Variants in SYNE3 observed in about 807,000 individuals in gnomAD.
SYNE3 encodes the protein spectrin repeat containing nuclear envelope family member 3.
In SYNE3, 100 loss-of-function variants were observed where a neutral mutation model predicts 111.2. The observed-to-expected ratio is 0.90, with a 90% CI of 0.77 to 1.06. SYNE3 has a LOEUF of 1.06. SYNE3 is among the 50% of genes least tolerant of loss of function. SYNE3 has a pLI of 0.00. For synonymous variants in SYNE3, 547 were observed against 533.9 expected, an observed-to-expected ratio of 1.02 and a Z score of -0.34; for missense variants, 1,160 against 1,240.3, an observed-to-expected ratio of 0.94 and a Z score of 0.97.
At chr14:95,509,498 T>C (rs916604415) in intron 1 of SYNE3, among the ~76,000 whole-genome samples, 3 of 152,220 alleles carry the variant, frequency 2.0e-5, no homozygotes, top group Admixed American at 6.5e-5. Context: ...TTTGAGGCTG[T>C]GGTCCTTGAA....
intron 14 of SYNE3, among the ~76,000 whole-genome samples, chr14:95,437,318 CA>C (rs1886146030): frequency 6.6e-6 from 1 of 152,352 alleles, no homozygotes; most frequent in Non-Finnish European, 1.5e-5. Context: ...CAAGCCCATT[CA>C]GCTAACTTCT....
At chr14:95,491,912 C>T (rs1889870372) in intron 1 of SYNE3, among the ~76,000 whole-genome samples, 1 of 151,980 alleles carries the variant, frequency 6.6e-6, no homozygotes, top group African/African-American at 2.4e-5. Flanking sequence ...CAATAATAAA[C>T]AGACAACCCA....
chr14:95,474,169 G>A (rs1442088628), intron 2 of SYNE3, among the ~76,000 whole-genome samples: 2 of 152,246 alleles, frequency 1.3e-5, no homozygotes, highest in Non-Finnish European at 2.9e-5. Flanking sequence ...GTGATCTTGG[G>A]AGGTGTGACA....
chr14:95,436,785 C>A, intron 15 of SYNE3, 35 bp downstream of exon 15: 1 of 1,610,318 alleles, frequency 6.2e-7, no homozygotes, highest in Non-Finnish European at 8.5e-7. Context: ...TGGGTGCAAA[C>A]CTTATGGATG....
At chr14:95,479,661 G>T (rs555785621) in intron 1 of SYNE3, among the ~76,000 whole-genome samples, 4 of 152,256 alleles carry the variant, frequency 2.6e-5, no homozygotes, top group Admixed American at 2.6e-4. Flanking sequence ...CAGTGCAGTG[G>T]GGGTGGAGGG....
intron 15 of SYNE3, among the ~76,000 whole-genome samples, 153 bp from the exon 16 acceptor site, chr14:95,433,562 A>G (rs539942682): frequency 1.3e-5 from 2 of 152,320 alleles, no homozygotes; most frequent in East Asian, 3.9e-4. Context: ...CATCTGTGCA[A>G]TTCAAGCCAA....
chr14:95,489,843 C>T (rs1889758108), intron 1 of SYNE3, among the ~76,000 whole-genome samples: 1 of 152,166 alleles, frequency 6.6e-6, no homozygotes, highest in African/African-American at 2.4e-5. Flanking sequence ...CTCAGGGGAA[C>T]TGAGAAAGGC....
rs1324436963 is a variant in SYNE3 at position 95,475,717 on chromosome 14, T to A, written c.105A>T (p.Gly35=). 1.2e-6 allele frequency: 2 copies of A among 1,602,468 alleles called. No homozygotes were observed. Among genetic ancestry groups the A allele is most frequent in the South Asian group, 1.1e-5 (1 of 89,280 alleles). ...DQLQVNDNTQ[G]PRAALEARLW... is the part of the protein sequence containing the mutation. ...GCCTGGCCTCCAGGGCCGCGCGGGG[T>A]CCCTGCGTGTTGTCATTGACCTGCA... The change falls in exon 2 of 18, where the codon GGA becomes GGT. Residue 35 remains glycine, a synonymous_variant. Coordinates refer to ENST00000682763, the MANE Select transcript of SYNE3 (RefSeq NM_152592.6).
chr14:95,475,669 T>C lies in SYNE3; in HGVS notation c.144+9A>G. On this transcript the variant is annotated intron_variant, in intron 2 of 17. Coordinates refer to ENST00000682763, the MANE Select transcript of SYNE3 (RefSeq NM_152592.6). ...CCACAGGGCCATCTGAGGCCACGCC[T>C]CTGCATACCTCGGTCTCCCACAGCC... 6.5e-7 allele frequency: 1 copy of C among 1,534,586 alleles called. No homozygotes were observed. Among genetic ancestry groups the C allele is most frequent in the Non-Finnish European group, 8.7e-7 (1 of 1,145,220 alleles).
intron 6 of SYNE3, 83 bp downstream of exon 6, chr14:95,455,294 C>G: frequency 1.7e-6 from 2 of 1,149,690 alleles, no homozygotes; most frequent in Non-Finnish European, 2.4e-6. Flanking sequence ...CAGCCCGATT[C>G]TCCATCACAG....
chr14:95,428,199 C>T (rs1036464308), intron 17 of SYNE3, among the ~76,000 whole-genome samples: 5 of 152,132 alleles, frequency 3.3e-5, no homozygotes, highest in Non-Finnish European at 5.9e-5. Flanking sequence ...GAAATCAAAA[C>T]TCTTCCTCAA....
chr14:95,443,037 A>C, intron 11 of SYNE3, 118 bp downstream of exon 11: 1 of 1,302,782 alleles, frequency 7.7e-7, no homozygotes, highest in Non-Finnish European at 1.1e-6. Flanking sequence ...AACAGGGAGA[A>C]AGAAAAAAGA....
chr14:95,462,933 A>T (rs1355509574), intron 4 of SYNE3, among the ~76,000 whole-genome samples: 1 of 152,272 alleles, frequency 6.6e-6, no homozygotes, highest in African/African-American at 2.4e-5. Context: ...GCCAAGGCGG[A>T]TCACCTGAGG....
In SYNE3 at chr14:95,414,492, T is replaced by C. The variant is rs965943837; in HGVS notation, c.*3334A>G. ...GTCTCCTCGCCTCGTCTGCTGTCAG[T>C]ACCTGCCCATCCCTCCCGCTCCCAG... is the stretch of plus-strand genomic sequence containing the variant. On this transcript the variant is annotated 3_prime_UTR_variant, in exon 18 of 18. Transcript: ENST00000682763. 10 of 152,290 alleles carry C rather than the reference T, an allele frequency of 6.6e-5. No individual in the cohort carries two copies. Among genetic ancestry groups the C allele is most frequent in the African/African-American group, 2.4e-4 (10 of 41,448 alleles). 9.4% of individuals were successfully genotyped at this position (152,290 alleles called of 1,614,324 possible). A position where few individuals can be genotyped will look rare whatever the true frequency, so the allele number is the denominator to read the frequency against.
intron 8 of SYNE3, among the ~76,000 whole-genome samples, chr14:95,447,389 G>C (rs1281354461): frequency 6.6e-6 from 1 of 152,082 alleles, no homozygotes; most frequent in Non-Finnish European, 1.5e-5. Flanking sequence ...GCCCACCTCG[G>C]CCTCCCAAAG....
In SYNE3 at chr14:95,452,291, C is replaced by T. The variant is rs113980290; in HGVS notation, c.1230G>A (p.Lys410=). Residue 410 remains lysine (K), a synonymous_variant, in exon 7 of 18, where the codon AAG becomes AAA. Coordinates refer to ENST00000682763, the MANE Select transcript of SYNE3 (RefSeq NM_152592.6). ...KELIVFPHNL[K]PLSDSVIATI... ...TAGCGATGACACTATCAGAGAGTGG[C>T]TTCAGGTTGTGAGGGAAGACGATGA... The T allele has an allele frequency of 9.4e-4, 1,514 of 1,613,876 alleles. 9 individuals are homozygous for T. The highest frequency in any genetic ancestry group is 5.3e-4 in the Non-Finnish European group (627 of 1,179,866).
chr14:95,473,396 G>A (rs1888653442), intron 2 of SYNE3, among the ~76,000 whole-genome samples: 1 of 152,098 alleles, frequency 6.6e-6, no homozygotes, highest in Admixed American at 6.5e-5. Flanking sequence ...CTAACACAGT[G>A]GGCACACAGG....
chr14:95,507,059 C>A (rs1192340896), intron 1 of SYNE3, among the ~76,000 whole-genome samples: 2 of 152,218 alleles, frequency 1.3e-5, no homozygotes, highest in East Asian at 3.8e-4. Context: ...TCCAGCGAGG[C>A]GAGGAGCGCG....
At chr14:95,426,508 G>A (rs1258151053) in intron 17 of SYNE3, among the ~76,000 whole-genome samples, 1 of 152,194 alleles carries the variant, frequency 6.6e-6, no homozygotes, top group African/African-American at 2.4e-5. Flanking sequence ...TATAAAAGGA[G>A]AAGGTAGTTG....
Sources: gnomAD v4.1 joint callset for allele counts (sites outside exome capture counted in the v4.1 genomes callset) on GRCh38, gnomAD v4.1.1 for gene constraint, MANE v1.5 for transcripts, NCBI Gene and HGNC (gene_info 2026-07-23, HGNC 2026-07-21) for gene names.